Variants in DNAH5 observed in about 807,000 individuals in gnomAD.
The protein encoded by DNAH5 is dynein axonemal heavy chain 5, also known as axonemal beta dynein heavy chain 5.
Under a neutral mutation model 518.2 loss-of-function variants are expected in DNAH5, and 372 were observed. That is an observed-to-expected ratio of 0.72 (90% CI 0.66 to 0.78). DNAH5 has a LOEUF of 0.78. Among genes scored for constraint, DNAH5 ranks in the 30% least tolerant of loss-of-function variants. The pLI is 0.00. For synonymous variants in DNAH5, 2,039 were observed against 2,025.9 expected, an observed-to-expected ratio of 1.01 and a Z score of -0.17; for missense variants, 5,523 against 5,687.0, an observed-to-expected ratio of 0.97 and a Z score of 0.93.
Position 13,886,145 on chromosome 5 carries a change from A to C in DNAH5, c.2578-16T>G, listed in dbSNP as rs1772407191. The C allele has an allele frequency of 6.3e-7, 1 of 1,579,036 alleles. No homozygotes were observed. Among genetic ancestry groups the C allele is most frequent in the Non-Finnish European group, 8.6e-7 (1 of 1,164,374 alleles). On this transcript the variant is annotated splice_polypyrimidine_tract_variant and intron_variant, in intron 17 of 78. Transcript: ENST00000265104. ...CACAAAGATCCTAACCAAAAAAAAA[A>C]AAAAAAAAAGATAGCACAGTGGTAT... is the stretch of plus-strand genomic sequence containing the variant.
chr5:13,807,463 G>C, intron 47 of DNAH5, 128 bp downstream of exon 47: 1 of 824,390 alleles, frequency 1.2e-6, no homozygotes, highest in Non-Finnish European at 2.0e-6. Context: ...AATGGAAGAC[G>C]TACGTGGGTG....
chr5:13,762,061 C>T (rs1304074848), intron 60 of DNAH5, among the ~76,000 whole-genome samples: 4 of 152,182 alleles, frequency 2.6e-5, no homozygotes, highest in Non-Finnish European at 4.4e-5. Context: ...GATTTTGAGA[C>T]ATCAGCATTT....
At chr5:13,966,356 C>A (rs887091577) in intron 1 of DNAH5, among the ~76,000 whole-genome samples, 1 of 152,202 alleles carries the variant, frequency 6.6e-6, no homozygotes, top group Non-Finnish European at 1.5e-5. Context: ...ATAATGACTT[C>A]TTTTCCTCTG....
intron 78 of DNAH5, among the ~76,000 whole-genome samples, chr5:13,694,640 G>A (rs1741126419): frequency 6.6e-6 from 1 of 152,136 alleles, no homozygotes; most frequent in Non-Finnish European, 1.5e-5. Context: ...TCCCTATCTT[G>A]CATTTTTCAT....
chr5:13,973,733 A>AACAAAAAACTTGGCAAATAGAACAC (rs1782034737), intron 1 of DNAH5, among the ~76,000 whole-genome samples: 1 of 151,312 alleles, frequency 6.6e-6, no homozygotes, highest in East Asian at 1.9e-4. Flanking sequence ...AAAAAAAAAA[A>AACAAAAAACTTGGCAAATAGAACAC]AAAACAAAAA....
intron 65 of DNAH5, among the ~76,000 whole-genome samples, chr5:13,743,239 G>C (rs930051601): frequency 6.6e-6 from 1 of 152,032 alleles, no homozygotes; most frequent in Admixed American, 6.6e-5. Flanking sequence ...GTAAAGATTT[G>C]TGCTAAGTGT....
chr5:13,876,735 C>T lies in DNAH5; in HGVS notation c.3345G>A (p.Glu1115=). ...NYYKNVSENK[E]IVKLVSVLST... The stretch of plus-strand genomic sequence containing the variant: ...TAAGCACAGAAACTAATTTTACAAT[C>T]TCTTTGTTTTCAGAAACATTCTTAT... Residue 1115 remains glutamate (E), a synonymous_variant, in exon 22 of 79, where the codon GAG becomes GAA. Coordinates refer to ENST00000265104, the MANE Select transcript of DNAH5 (RefSeq NM_001369.3). The T allele has an allele frequency of 6.2e-7, 1 of 1,613,922 alleles. No individual in the cohort carries two copies. The highest frequency in any genetic ancestry group is 8.5e-7 in the Non-Finnish European group (1 of 1,179,848).
rs765281971 is a variant in DNAH5, at chr5:13,777,186, A to G, written c.9105+16T>C. 1 of 1,610,210 alleles carries G rather than the reference A, an allele frequency of 6.2e-7. No homozygotes were observed. Among genetic ancestry groups the G allele is most frequent in the Non-Finnish European group, 8.5e-7 (1 of 1,177,328 alleles). ...TCTGAAGGGATAAAACACATAAAGAATAAATGAGCTCCTACCTCACCTGAT... is the reference window on the plus strand; with the variant it reads ...TCTGAAGGGATAAAACACATAAAGAGTAAATGAGCTCCTACCTCACCTGAT... On this transcript the variant is annotated intron_variant, in intron 54 of 78. Transcript: ENST00000265104.
intron 52 of DNAH5, among the ~76,000 whole-genome samples, 178 bp downstream of exon 52, chr5:13,786,001 A>C (rs1302326487): frequency 6.6e-6 from 1 of 152,186 alleles, no homozygotes; most frequent in African/African-American, 2.4e-5. Flanking sequence ...CTCTTATTTC[A>C]AGTCTATAAG....
upstream of DNAH5, among the ~76,000 whole-genome samples, chr5:13,947,200 C>T (rs1350751426): frequency 1.3e-5 from 2 of 152,114 alleles, no homozygotes; most frequent in African/African-American, 4.8e-5. Flanking sequence ...AAGGTATAAG[C>T]TTTATGTGGA....
rs116325772 is a variant in DNAH5 at position 13,862,129 on chromosome 5, A to G, written c.4796+419T>C. Among the ~76,000 whole-genome samples, 922 of 152,180 alleles carry G rather than the reference A, an allele frequency of 6.1e-3. 14 individuals are homozygous for G. Among genetic ancestry groups the G allele is most frequent in the African/African-American group, 0.021 (891 of 41,506 alleles). On this transcript the variant is annotated intron_variant, in intron 29 of 78. Transcript: ENST00000265104. ...AAATAATGTTCCTCCTGGATTCTAC[A>G]GCCTGTAGAGCTATGAGCTGTGCAG...
intron 1 of DNAH5, among the ~76,000 whole-genome samples, chr5:13,988,519 G>A (rs1454540625): frequency 6.6e-6 from 1 of 151,918 alleles, no homozygotes; most frequent in Non-Finnish European, 1.5e-5. Context: ...CAGGGTTCAA[G>A]TGATTCTCCT....
At chr5:13,853,598 C>T (rs1279037778) in intron 30 of DNAH5, among the ~76,000 whole-genome samples, 3 of 151,740 alleles carry the variant, frequency 2.0e-5, no homozygotes, top group Admixed American at 2.0e-4. Context: ...ATGTTCTAAC[C>T]CAATATAAGG....
chr5:13,828,833 G>A (rs890779582), intron 38 of DNAH5, among the ~76,000 whole-genome samples: 3 of 152,136 alleles, frequency 2.0e-5, no homozygotes, highest in African/African-American at 7.2e-5. Context: ...TGAAACCACA[G>A]CCCCAGCCAA....
Position 13,713,707 on chromosome 5 carries a change from C to T in DNAH5, c.13125+698G>A, listed in dbSNP as rs569711382. On this transcript the variant is annotated intron_variant, in intron 75 of 78. Coordinates refer to ENST00000265104, the MANE Select transcript of DNAH5 (RefSeq NM_001369.3). ...CTTGGGGGGAAGAGTGTGAGGGGGG[C>T]GAGGAATAAAAGATTACAAATATGG... Among the ~76,000 whole-genome samples the T allele has an allele frequency of 1.8e-3, 251 of 135,996 alleles. 1 individual carries two copies. Among genetic ancestry groups the T allele is most frequent in the Non-Finnish European group, 3.2e-3 (205 of 63,612 alleles). The allele number at this position is 135,996 out of a possible 152,430, so 89.2% of individuals were successfully genotyped here. A position where few individuals can be genotyped will look rare whatever the true frequency, so the allele number is the denominator to read the frequency against.
intron 27 of DNAH5, among the ~76,000 whole-genome samples, chr5:13,865,006 CTTTTT>C (rs70964512): frequency 0.011 from 1,326 of 124,924 alleles, 16 homozygotes; most frequent in African/African-American, 0.031. Flanking sequence ...ACAAATAGCT[CTTTTT>C]TTTTTTTTTT....
At chr5:13,777,152 T>C in intron 54 of DNAH5, 50 bp downstream of exon 54, 3 of 1,567,200 alleles carry the variant, frequency 1.9e-6, no homozygotes, top group Non-Finnish European at 2.6e-6. Context: ...AGCTCTAAGC[T>C]GGAGGAAATC....
chr5:13,987,405 C>T lies in DNAH5; in HGVS notation c.12+24243G>A, dbSNP rs376348045. On this transcript the variant is annotated intron_variant, in intron 1 of 78. Transcript: ENST00000681290. ...TAAATTAACTGAAGCTGTAAAACAACCGGTACCCCTCCAAGCAGATTACGG... is the reference window on the plus strand; with the variant it reads ...TAAATTAACTGAAGCTGTAAAACAATCGGTACCCCTCCAAGCAGATTACGG... 1.1e-4 allele frequency among the ~76,000 whole-genome samples: 16 copies of T among 151,988 alleles called. No homozygotes were observed. The East Asian group carries it at 1.7e-3, about 17-fold the overall frequency.
At chr5:13,988,084 G>A (rs1308601592) in intron 1 of DNAH5, among the ~76,000 whole-genome samples, 3 of 152,106 alleles carry the variant, frequency 2.0e-5, no homozygotes, top group African/African-American at 7.2e-5. Context: ...GGTCGCCTCC[G>A]CTCTTATTTT....
Sources: gnomAD v4.1 joint callset for allele counts (sites outside exome capture counted in the v4.1 genomes callset) on GRCh38, gnomAD v4.1.1 for gene constraint, MANE v1.5 for transcripts, NCBI Gene and HGNC (gene_info 2026-07-23, HGNC 2026-07-21) for gene names.